Variants in P2RX2 observed in about 807,000 individuals in gnomAD.
P2RX2 encodes purinergic receptor P2X 2, also known as P2X purinoceptor 2.
In P2RX2, 50 loss-of-function variants were observed where a neutral mutation model predicts 54.8. The observed-to-expected ratio is 0.91, with a 90% CI of 0.73 to 1.15. P2RX2 has a LOEUF of 1.15. Among genes scored for constraint, P2RX2 ranks in the 50% most tolerant of loss-of-function variants. P2RX2 has a pLI of 0.00. For synonymous variants in P2RX2, 289 were observed against 259.4 expected, an observed-to-expected ratio of 1.11 and a Z score of -1.09; for missense variants, 658 against 633.2, an observed-to-expected ratio of 1.04 and a Z score of -0.42.
Position 132,620,903 on chromosome 12 carries a change from GC to G in P2RX2, c.775-95del. The G allele has an allele frequency of 1.4e-4, 24 of 175,328 alleles. 10 individuals are homozygous for G. In the East Asian group the frequency reaches 3.8e-3, roughly 28 times the overall value. 10.9% of individuals were successfully genotyped at this position (175,328 alleles called of 1,614,324 possible). A position where few individuals can be genotyped will look rare whatever the true frequency, so the allele number is the denominator to read the frequency against. On this transcript the variant is annotated intron_variant, in intron 7 of 10. Coordinates refer to ENST00000643471, the MANE Select transcript of P2RX2 (RefSeq NM_170682.4). ...CGGGCTCTCGAGGGGCCTCTCGTGT[GC>G]CCTTGTGACCCCCTTCCCTGGCCTG... is the stretch of plus-strand genomic sequence containing the variant.
chr12:132,621,756 C>G lies in P2RX2; in HGVS notation c.1200C>G (p.Gly400=). Residue 400 remains glycine (G), a synonymous_variant, in exon 11 of 11, where the codon GGC becomes GGG. Coordinates refer to ENST00000643471, the MANE Select transcript of P2RX2 (RefSeq NM_170682.4). The part of the protein sequence containing the change: ...SWPVTLARVL[G]QAPPEPGHRS... Reference sequence around the variant, plus strand: ...CTGTGACCCTTGCCCGTGTATTGGGCCAGGCCCCTCCCGAACCCGGCCACC... The same window carrying G: ...CTGTGACCCTTGCCCGTGTATTGGGGCAGGCCCCTCCCGAACCCGGCCACC... 1.9e-6 allele frequency: 3 copies of G among 1,604,098 alleles called. No individual in the cohort carries two copies. Among genetic ancestry groups the G allele is most frequent in the Non-Finnish European group, 2.6e-6 (3 of 1,174,336 alleles).
At position 132,622,243 on chromosome 12, in the gene P2RX2, A is replaced by T. The variant is rs2041733552; in HGVS notation, c.*271A>T. ...CTCACAGCCACCTGGAACCCAAGCC[A>T]GCTGAGCTCTGAGGGGCTCTGCTCC... On this transcript the variant is annotated 3_prime_UTR_variant, in exon 11 of 11. Transcript: ENST00000643471. 1.5e-6 allele frequency: 2 copies of T among 1,370,678 alleles called. No homozygotes were observed. Among genetic ancestry groups the T allele is most frequent in the South Asian group, 3.3e-5 (2 of 60,470 alleles). 84.9% of individuals were successfully genotyped at this position (1,370,678 alleles called of 1,614,324 possible).
chr12:132,621,748 G>A lies in P2RX2; in HGVS notation c.1192G>A (p.Val398Ile), dbSNP rs1273956077. The A allele has an allele frequency of 8.7e-6, 14 of 1,608,124 alleles. No homozygotes were observed. The highest frequency in any genetic ancestry group is 1.1e-5 in the Non-Finnish European group (13 of 1,176,660). ...TAGCTGGCCTGTGACCCTTGCCCGT[G>A]TATTGGGCCAGGCCCCTCCCGAACC... The part of the protein sequence containing the change: ...SGSWPVTLAR[V>I]LGQAPPEPGH... The change falls in exon 11 of 11, where the codon GTA becomes ATA. Residue 398 changes from valine (V) to isoleucine (I), a missense_variant. By Grantham distance (29) the Val-to-Ile change is conservative. Transcript: ENST00000643471.
At chr12:132,619,806 C>T in intron 3 of P2RX2, 38 bp from the exon 4 acceptor site, 1 of 1,610,238 alleles carries the variant, frequency 6.2e-7, no homozygotes, top group Non-Finnish European at 8.5e-7. Context: ...GGCCAGCTGT[C>T]CCTTGCGGGG....
In P2RX2 at chr12:132,618,906, G is replaced by A; in HGVS notation, c.90G>A (p.Thr30=). Reference sequence around the variant, plus strand: ...GGTCCGCCCTCTGGGACTACGAGACGCCCAAGGTGATCGTGGTGAGGAACC... The same window carrying A: ...GGTCCGCCCTCTGGGACTACGAGACACCCAAGGTGATCGTGGTGAGGAACC... ...GCWSALWDYE[T]PKVIVVRNRR... The change falls in exon 1 of 11, where the codon ACG becomes ACA. Residue 30 remains threonine (T), a synonymous_variant. Coordinates refer to ENST00000643471, the MANE Select transcript of P2RX2 (RefSeq NM_170682.4). The A allele has an allele frequency of 7.4e-7, 1 of 1,352,918 alleles. No individual in the cohort carries two copies. Among genetic ancestry groups the A allele is most frequent in the Non-Finnish European group, 9.6e-7 (1 of 1,045,150 alleles). 83.8% of individuals were successfully genotyped at this position (1,352,918 alleles called of 1,614,324 possible).
At position 132,619,042 on chromosome 12, in the gene P2RX2, T is replaced by C; in HGVS notation, c.173+53T>C. The C allele has an allele frequency of 3.9e-6, 3 of 772,490 alleles. No individual in the cohort carries two copies. In the East Asian group the frequency reaches 1.9e-4, roughly 49 times the overall value. 47.9% of individuals were successfully genotyped at this position (772,490 alleles called of 1,614,324 possible). ...GGGGTGCGGGGCGCAGGGGAGGGGC[T>C]GGGATTGGGGGCGCTGGGCTGGAGG... On this transcript the variant is annotated intron_variant, in intron 1 of 10. Coordinates refer to ENST00000643471, the MANE Select transcript of P2RX2 (RefSeq NM_170682.4).
chr12:132,620,599 G>T lies in P2RX2; in HGVS notation c.774+16G>T. 6.2e-7 allele frequency: 1 copy of T among 1,610,076 alleles called. No homozygotes were observed. On this transcript the variant is annotated intron_variant, in intron 7 of 10. Coordinates refer to ENST00000643471, the MANE Select transcript of P2RX2 (RefSeq NM_170682.4). ...CGCACACAAGGCAGGGCAAGCGCAGGCAGGGTGGGGCCAGGGTGGGCTCCC... is the reference window on the plus strand; with the variant it reads ...CGCACACAAGGCAGGGCAAGCGCAGTCAGGGTGGGGCCAGGGTGGGCTCCC...
intron 9 of P2RX2, 26 bp from the exon 10 acceptor site, chr12:132,621,449 C>G (rs2041679462): frequency 6.3e-7 from 1 of 1,574,940 alleles, no homozygotes; most frequent in African/African-American, 1.4e-5. Flanking sequence ...GTCAGACATT[C>G]TGACCACGAC....
intron 1 of P2RX2, 26 bp from the exon 2 acceptor site, chr12:132,619,413 G>A (rs1364860808): frequency 1.9e-6 from 3 of 1,610,456 alleles, no homozygotes; most frequent in East Asian, 2.2e-5. Flanking sequence ...GGTCGCCTCC[G>A]GAGCCGGCGC....
chr12:132,621,427 C>T (rs1453958453), intron 9 of P2RX2, 48 bp from the exon 10 acceptor site: 3 of 1,588,958 alleles, frequency 1.9e-6, no homozygotes, highest in Middle Eastern at 1.7e-4. Context: ...CCCTTAAGCC[C>T]CATCAGACGC....
Position 132,622,058 on chromosome 12 carries a change from C to T in P2RX2, c.*86C>T. On this transcript the variant is annotated 3_prime_UTR_variant, in exon 11 of 11. Coordinates refer to ENST00000643471, the MANE Select transcript of P2RX2 (RefSeq NM_170682.4). ...AGGGACCTGCACGTGGACGTGGGCA[C>T]CTCAGTAGCGGAGCATCTCCACGAA... 6.3e-7 allele frequency: 1 copy of T among 1,585,786 alleles called. No individual in the cohort carries two copies. Among genetic ancestry groups the T allele is most frequent in the Non-Finnish European group, 8.6e-7 (1 of 1,168,480 alleles).
chr12:132,620,476 C>T lies in P2RX2; in HGVS notation c.667C>T (p.Leu223=), dbSNP rs949615572. The T allele has an allele frequency of 6.2e-7, 1 of 1,614,136 alleles. No homozygotes were observed. The highest frequency in any genetic ancestry group is 8.5e-7 in the Non-Finnish European group (1 of 1,180,034). Residue 223 remains leucine, a synonymous_variant, in exon 7 of 11, where the codon CTG becomes TTG. Coordinates refer to ENST00000643471, the MANE Select transcript of P2RX2 (RefSeq NM_170682.4). Reference sequence around the variant, plus strand: ...CATCGCCGACCGCACAGACGGGTACCTGAAGCGCTGCACGTTCCACGAGGC... The same window carrying T: ...CATCGCCGACCGCACAGACGGGTACTTGAAGCGCTGCACGTTCCACGAGGC... The part of the protein sequence containing the change: ...GNIADRTDGY[L]KRCTFHEASD...
chr12:132,621,129 C>T lies in P2RX2; in HGVS notation c.903C>T (p.Phe301=), dbSNP rs1217587452. ...KHVPASSGYN[F]RFAKYYKING... is the part of the protein sequence containing the mutation. Reference sequence around the variant, plus strand: ...TGCCTGCCTCGTCAGGCTACAACTTCAGGTGCTGTACTTGGGACACCGCTG... The same window carrying T: ...TGCCTGCCTCGTCAGGCTACAACTTTAGGTGCTGTACTTGGGACACCGCTG... The change falls in exon 8 of 11, where the codon TTC becomes TTT. Residue 301 remains phenylalanine (F), a splice_region_variant and synonymous_variant. Coordinates refer to ENST00000643471, the MANE Select transcript of P2RX2 (RefSeq NM_170682.4). The T allele has an allele frequency of 5.6e-6, 9 of 1,614,018 alleles. No homozygotes were observed. Among genetic ancestry groups the T allele is most frequent in the South Asian group, 4.4e-5 (4 of 91,094 alleles).
In P2RX2 at chr12:132,621,669, G is replaced by T. The variant is rs1349107834; in HGVS notation, c.1113G>T (p.Lys371Asn). ...WILLTFMNKN[K>N]VYSHKKFDKV... ...TGCTAACATTCATGAACAAAAACAAGGTCTACAGCCATAAGAAATTTGACA... is the reference window on the plus strand; with the variant it reads ...TGCTAACATTCATGAACAAAAACAATGTCTACAGCCATAAGAAATTTGACA... Residue 371 changes from lysine (K) to asparagine (N), a missense_variant, in exon 11 of 11, where the codon AAG becomes AAT. Transcript: ENST00000643471. 1.9e-6 allele frequency: 3 copies of T among 1,613,696 alleles called. No individual in the cohort carries two copies. Among genetic ancestry groups the T allele is most frequent in the African/African-American group, 1.3e-5 (1 of 74,926 alleles).
In P2RX2 at chr12:132,622,036, G is replaced by T. The variant is rs981606905; in HGVS notation, c.*64G>T. The T allele has an allele frequency of 6.2e-6, 10 of 1,604,238 alleles. No individual in the cohort carries two copies. Among genetic ancestry groups the T allele is most frequent in the Non-Finnish European group, 7.7e-6 (9 of 1,176,136 alleles). Reference sequence around the variant, plus strand: ...TGGGGCCAGAGAGTCCCCAGCTAGGGACCTGCACGTGGACGTGGGCACCTC... The same window carrying T: ...TGGGGCCAGAGAGTCCCCAGCTAGGTACCTGCACGTGGACGTGGGCACCTC... On this transcript the variant is annotated 3_prime_UTR_variant, in exon 11 of 11. Coordinates refer to ENST00000643471, the MANE Select transcript of P2RX2 (RefSeq NM_170682.4).
Position 132,621,819 on chromosome 12 carries a change from G to A in P2RX2, c.1263G>A (p.Gln421=), listed in dbSNP as rs962976379. 1.2e-6 allele frequency: 2 copies of A among 1,610,236 alleles called. No individual in the cohort carries two copies. Among genetic ancestry groups the A allele is most frequent in the East Asian group, 2.2e-5 (1 of 44,832 alleles). Reference sequence around the variant, plus strand: ...AGCACCCCAGCCCTCCATCAGGCCAGGAGGGCCAACAAGGGGCAGAGTGTG... The same window carrying A: ...AGCACCCCAGCCCTCCATCAGGCCAAGAGGGCCAACAAGGGGCAGAGTGTG... ...EDQHPSPPSG[Q]EGQQGAECGP... is the part of the protein sequence containing the mutation. The change falls in exon 11 of 11, where the codon CAG becomes CAA. Residue 421 remains glutamine (Q), a synonymous_variant. Transcript: ENST00000643471.
Position 132,620,472 on chromosome 12 carries a change from G to A in P2RX2, c.663G>A (p.Gly221=), listed in dbSNP as rs917973757. The A allele has an allele frequency of 3.1e-6, 5 of 1,613,966 alleles. No homozygotes were observed. The highest frequency in any genetic ancestry group is 2.2e-5 in the East Asian group (1 of 44,900). ...GCAACATCGCCGACCGCACAGACGG[G>A]TACCTGAAGCGCTGCACGTTCCACG... ...SKGNIADRTD[G]YLKRCTFHEA... The change falls in exon 7 of 11, where the codon GGG becomes GGA. Residue 221 remains glycine (G), a synonymous_variant. Transcript: ENST00000643471.
chr12:132,622,249 G>T lies in P2RX2; in HGVS notation c.*277G>T. ...GCCACCTGGAACCCAAGCCAGCTGA[G>T]CTCTGAGGGGCTCTGCTCCCGGTCT... On this transcript the variant is annotated 3_prime_UTR_variant, in exon 11 of 11. Coordinates refer to ENST00000643471, the MANE Select transcript of P2RX2 (RefSeq NM_170682.4). 1 of 1,357,084 alleles carries T rather than the reference G, an allele frequency of 7.4e-7. No individual in the cohort carries two copies. The allele number at this position is 1,357,084 out of a possible 1,614,324, so 84.1% of individuals were successfully genotyped here.
At position 132,621,600 on chromosome 12, in the gene P2RX2, C is replaced by A. The variant is rs373455554; in HGVS notation, c.1063-19C>A. 1 of 1,611,716 alleles carries A rather than the reference C, an allele frequency of 6.2e-7. No homozygotes were observed. Among genetic ancestry groups the A allele is most frequent in the Non-Finnish European group, 8.5e-7 (1 of 1,178,840 alleles). On this transcript the variant is annotated intron_variant, in intron 10 of 10. Coordinates refer to ENST00000643471, the MANE Select transcript of P2RX2 (RefSeq NM_170682.4). ...GGGGGTCCACCAGGCCCTTACACAC[C>A]GGTCTCTGCTGGCCCCAGGGCTCCT...
Sources: allele counts gnomAD v4.1 joint callset, GRCh38; gene constraint gnomAD v4.1.1; transcripts MANE v1.5; gene names NCBI Gene and HGNC (gene_info 2026-07-23, HGNC 2026-07-21).